NEMF: variants seen among roughly 807,000 people sequenced by gnomAD.
NEMF encodes the protein ribosome quality control complex subunit NEMF.
NEMF carries 89 observed loss-of-function variants against 162.2 expected under a neutral mutation model. That is an observed-to-expected ratio of 0.55 (90% CI 0.46 to 0.65). The LOEUF is 0.65. Among genes scored for constraint, NEMF ranks in the 30% least tolerant of loss-of-function variants. NEMF has a pLI of 0.00. For missense variants in NEMF, 1,133 were observed against 1,261.9 expected, an observed-to-expected ratio of 0.90 and a Z score of 1.55; for synonymous variants, 421 against 404.5, an observed-to-expected ratio of 1.04 and a Z score of -0.49.
In NEMF at chr14:49,783,462, T is replaced by C. The variant is rs1364036702; in HGVS notation, c.*1174A>G. 1 of 152,194 alleles carries C rather than the reference T, an allele frequency of 6.6e-6. No individual in the cohort carries two copies. The highest frequency in any genetic ancestry group is 1.5e-5 in the Non-Finnish European group (1 of 68,048). The allele number at this position is 152,194 out of a possible 1,614,324, so 9.4% of individuals were successfully genotyped here. On this transcript the variant is annotated 3_prime_UTR_variant, in exon 33 of 33. Coordinates refer to ENST00000298310, the MANE Select transcript of NEMF (RefSeq NM_004713.6). ...CAACTGTTCAGTACTTTGACCTTAA[T>C]GCTTCAGTGTAGGGGCTGGAGCAAG... is the stretch of plus-strand genomic sequence containing the variant.
chr14:49,807,929 T>C (rs1000770420), intron 18 of NEMF, among the ~76,000 whole-genome samples: 1 of 151,978 alleles, frequency 6.6e-6, no homozygotes, highest in African/African-American at 2.4e-5. Flanking sequence ...TGATTTAAAT[T>C]TTCCTAATAA....
intron 16 of NEMF, among the ~76,000 whole-genome samples, chr14:49,816,970 A>G (rs1299519823): frequency 6.6e-6 from 1 of 152,240 alleles, no homozygotes; most frequent in Non-Finnish European, 1.5e-5. Context: ...CAAATGGGAC[A>G]AGCAAAAAGC....
chr14:49,790,766 G>C (rs976737016), intron 26 of NEMF, among the ~76,000 whole-genome samples: 3 of 152,112 alleles, frequency 2.0e-5, no homozygotes, highest in Non-Finnish European at 2.9e-5. Flanking sequence ...TGGGTAGGTG[G>C]ATCACCTGAG....
Position 49,829,432 on chromosome 14 carries a change from A to C in NEMF, c.946-6T>G. 3.1e-6 allele frequency: 5 copies of C among 1,611,700 alleles called. No individual in the cohort carries two copies. The highest frequency in any genetic ancestry group is 4.2e-6 in the Non-Finnish European group (5 of 1,178,776). On this transcript the variant is annotated splice_polypyrimidine_tract_variant and splice_region_variant and intron_variant, in intron 11 of 32. Transcript: ENST00000298310. ...TTCTTCAATGCTTGCTTTTCCTTTTATTGGCAAAACAGATTTTTTAAAAAT... is the reference window on the plus strand; with the variant it reads ...TTCTTCAATGCTTGCTTTTCCTTTTCTTGGCAAAACAGATTTTTTAAAAAT...
At chr14:49,823,103 A>AT (rs1286230224) in intron 16 of NEMF, among the ~76,000 whole-genome samples, 5 of 151,474 alleles carry the variant, frequency 3.3e-5, no homozygotes, top group East Asian at 1.9e-4. Flanking sequence ...CACTCAGCTA[A>AT]TTTTTTTTGT....
intron 19 of NEMF, 132 bp downstream of exon 19, chr14:49,805,889 T>C (rs561293901): frequency 2.4e-5 from 12 of 505,682 alleles, no homozygotes; most frequent in Non-Finnish European, 4.3e-5. Flanking sequence ...CCTGACATTA[T>C]GTACATATTT....
chr14:49,827,467 GTCAACC>G (rs1892413854), intron 15 of NEMF, among the ~76,000 whole-genome samples: 14 of 152,094 alleles, frequency 9.2e-5, no homozygotes, highest in Admixed American at 8.5e-4. Flanking sequence ...AATTACAGGC[GTCAACC>G]ACCACACCCA....
Position 49,800,546 on chromosome 14 carries a change from T to G in NEMF, c.2246A>C (p.Glu749Ala). 1 of 1,614,084 alleles carries G rather than the reference T, an allele frequency of 6.2e-7. No homozygotes were observed. The highest frequency in any genetic ancestry group is 8.5e-7 in the Non-Finnish European group (1 of 1,179,992). ...AACCTCTTCATATTCTCCTTCGTCTTCAGAGCTTTCTTCCTGAATGAGCTC... is the reference window on the plus strand; with the variant it reads ...AACCTCTTCATATTCTCCTTCGTCTGCAGAGCTTTCTTCCTGAATGAGCTC... ...NEELIQEESS[E>A]DEGEYEEVRK... The change falls in exon 23 of 33, where the codon GAA becomes GCA. Residue 749 changes from glutamate to alanine, a missense_variant. This residue lies in a region of NEMF where 532 missense variants were observed against 578.6 expected (regional missense o/e 0.92). Coordinates refer to ENST00000298310, the MANE Select transcript of NEMF (RefSeq NM_004713.6).
chr14:49,805,774 T>A (rs1891157761), intron 19 of NEMF, among the ~76,000 whole-genome samples: 1 of 152,144 alleles, frequency 6.6e-6, no homozygotes, highest in Non-Finnish European at 1.5e-5. Flanking sequence ...GCTCAAATCC[T>A]ACCTTCCTAG....
intron 25 of NEMF, among the ~76,000 whole-genome samples, chr14:49,796,953 G>A (rs1167795828): frequency 6.6e-6 from 1 of 151,982 alleles, no homozygotes; most frequent in Non-Finnish European, 1.5e-5. Flanking sequence ...ATCTTTCAAG[G>A]TATACTTCTG....
chr14:49,820,277 G>C (rs1243360107), intron 16 of NEMF: 3 of 383,254 alleles, frequency 7.8e-6, no homozygotes, highest in Non-Finnish European at 1.6e-5. Context: ...GCAGGCAAGT[G>C]TCTGTGTGTT....
chr14:49,852,277 C>A (rs980146493), intron 1 of NEMF, among the ~76,000 whole-genome samples: 4 of 152,162 alleles, frequency 2.6e-5, no homozygotes, highest in African/African-American at 9.7e-5. Context: ...TCTGCTCAAT[C>A]CAGCTAAAAC....
rs996044243 is a variant in NEMF, at chr14:49,852,648, T to G, written c.59+47A>C. ...GTTTGCGCCATGGGACTCCGGCCTC[T>G]GCCTCCTGCACTCCCCACACGAGCC... On this transcript the variant is annotated intron_variant, in intron 1 of 32. Transcript: ENST00000298310. The G allele has an allele frequency of 5.0e-6, 8 of 1,601,824 alleles. No individual in the cohort carries two copies. In the Admixed American group the frequency reaches 1.0e-4, roughly 20 times the overall value.
At chr14:49,805,111 T>G (rs1457578623) in intron 19 of NEMF, among the ~76,000 whole-genome samples, 1 of 152,110 alleles carries the variant, frequency 6.6e-6, no homozygotes, top group African/African-American at 2.4e-5. Flanking sequence ...AATGAAAGAA[T>G]TAAAACCACT....
In NEMF at chr14:49,845,103, T is replaced by C. The variant is rs114541391; in HGVS notation, c.357+1037A>G. On this transcript the variant is annotated intron_variant, in intron 4 of 32. Transcript: ENST00000298310. ...TTAGTTAGTTAGTTAGTTAGTTAGT[T>C]TATTTTTGAGACAAAGTCTTGCTCC... Among the ~76,000 whole-genome samples the C allele has an allele frequency of 2.0e-3, 294 of 150,492 alleles. 2 individuals are homozygous for C. Among genetic ancestry groups the C allele is most frequent in the African/African-American group, 7.0e-3 (285 of 40,876 alleles).
intron 3 of NEMF, among the ~76,000 whole-genome samples, chr14:49,847,604 A>C (rs373502401): frequency 1.5e-4 from 23 of 151,984 alleles, no homozygotes; most frequent in African/African-American, 5.6e-4. Context: ...TGTTTCCACT[A>C]ATCTTCTACT....
intron 19 of NEMF, among the ~76,000 whole-genome samples, chr14:49,804,181 T>C (rs1376078883): frequency 2.0e-5 from 3 of 150,148 alleles, no homozygotes. Flanking sequence ...ATTTTTGTAT[T>C]TTTTAGTAGA....
chr14:49,828,457 G>A (rs2139963240), intron 14 of NEMF, 103 bp from the exon 15 acceptor site: 1 of 968,782 alleles, frequency 1.0e-6, no homozygotes, highest in East Asian at 2.7e-5. Context: ...GAACAAATCA[G>A]AACAAACTGT....
intron 26 of NEMF, among the ~76,000 whole-genome samples, chr14:49,791,902 C>T (rs1399532850): frequency 1.3e-5 from 2 of 152,010 alleles, no homozygotes; most frequent in African/African-American, 4.8e-5. Flanking sequence ...AATACAACTT[C>T]GGAAAACCAA....
Sources: gnomAD v4.1 joint callset for allele counts (sites outside exome capture counted in the v4.1 genomes callset) on GRCh38, gnomAD v4.1.1 for gene constraint, gnomAD v4.1.1 regional missense constraint, MANE v1.5 for transcripts, NCBI Gene and HGNC (gene_info 2026-07-23, HGNC 2026-07-21) for gene names.